The following METAP1D variants were observed in gnomAD, a reference collection of about 807,000 sequenced individuals.
The protein encoded by METAP1D is methionyl aminopeptidase type 1D, mitochondrial.
In METAP1D, 31 loss-of-function variants were observed where a neutral mutation model predicts 40.5. That is an observed-to-expected ratio of 0.77 (90% CI 0.58 to 1.03). The LOEUF (loss-of-function observed/expected upper bound fraction) is 1.03, where lower values mean the gene tolerates loss of function less well. Ranked by LOEUF, METAP1D falls within the 50% of genes least tolerant of loss-of-function variation. The pLI, the probability that METAP1D is intolerant of heterozygous loss-of-function variation, is 0.00. For synonymous variants in METAP1D, 151 were observed against 146.4 expected (o/e 1.03, Z -0.22); for missense variants, 411 against 420.7 (o/e 0.98, Z 0.20).
In METAP1D at chr2:172,080,113, T is replaced by G. The variant is rs761446454; in HGVS notation, c.851-15T>G. 1 of 1,608,238 alleles carries G rather than the reference T, an allele frequency of 6.2e-7. No homozygotes were observed. The highest frequency in any genetic ancestry group is 2.2e-5 in the East Asian group (1 of 44,874). ...TCTGATGAGGTCACTGCAGTAAATA[T>G]TTTTCCTCTTACAGAGCCAATCATC... On this transcript the variant is annotated splice_polypyrimidine_tract_variant and intron_variant, in intron 8 of 9. Transcript: ENST00000315796.
rs192727116 is a variant in METAP1D at position 172,045,609 on chromosome 2, C to T, written c.41-15889C>T. 4.1e-3 allele frequency among the ~76,000 whole-genome samples: 566 copies of T among 138,922 alleles called. 5 individuals are homozygous for T. The highest frequency in any genetic ancestry group is 0.015 in the African/African-American group (542 of 36,522). 91.1% of individuals were successfully genotyped at this position (138,922 alleles called of 152,430 possible). On this transcript the variant is annotated intron_variant, in intron 1 of 9. Coordinates refer to ENST00000315796, the MANE Select transcript of METAP1D (RefSeq NM_199227.3). ...CTGGGAGGTGGAGGTTGCGGTGAGC[C>T]GAGATTGTGCCATTGCACTCCAGCC...
At chr2:172,011,392 C>A (rs1688718966) in intron 1 of METAP1D, among the ~76,000 whole-genome samples, 1 of 150,906 alleles carries the variant, frequency 6.6e-6, no homozygotes, top group African/African-American at 2.4e-5. Flanking sequence ...TCATGCCATT[C>A]TCCTGCCTCA....
intron 1 of METAP1D, among the ~76,000 whole-genome samples, chr2:172,053,967 T>G (rs754962378): frequency 2.6e-5 from 4 of 152,204 alleles, no homozygotes. Flanking sequence ...GCATTTTAAA[T>G]GTCTCTTTGA....
intron 1 of METAP1D, among the ~76,000 whole-genome samples, chr2:172,001,016 A>C (rs1001610804): frequency 6.6e-5 from 10 of 152,196 alleles, no homozygotes; most frequent in Non-Finnish European, 1.2e-4. Flanking sequence ...AACAAAAACA[A>C]AAACCCAGTG....
chr2:172,061,386 C>A, intron 1 of METAP1D, 112 bp from the exon 2 acceptor site: 1 of 906,582 alleles, frequency 1.1e-6, no homozygotes, highest in Non-Finnish European at 1.6e-6. Flanking sequence ...TTTCCTTTTT[C>A]AGTCAATAAG....
intron 1 of METAP1D, among the ~76,000 whole-genome samples, chr2:172,015,032 A>AT (rs1329773059): frequency 6.6e-6 from 1 of 152,208 alleles, no homozygotes; most frequent in Non-Finnish European, 1.5e-5. Context: ...TGCAAAGTAG[A>AT]TTTTTTATAT....
intron 1 of METAP1D, among the ~76,000 whole-genome samples, chr2:172,022,395 A>G (rs929959186): frequency 1.3e-5 from 2 of 152,112 alleles, no homozygotes; most frequent in African/African-American, 4.8e-5. Context: ...TTTGTTTTTA[A>G]TAAAAACAAG....
rs1460450940 is a variant in METAP1D, at chr2:172,045,815, GTGTGTATATATATATATATA to G, written c.41-15681_41-15662del. Among the ~76,000 whole-genome samples, 12 of 24,276 alleles carry G rather than the reference GTGTGTATATATATATATATA, an allele frequency of 4.9e-4. No individual in the cohort carries two copies. In the East Asian group the frequency reaches 9.7e-3, roughly 20 times the overall value. The allele number at this position is 24,276 out of a possible 152,430, so 15.9% of individuals were successfully genotyped here. ...TGTATATATGTGTGTGTGTGTGTGT[GTGTGTATATATATATATATA>G]TATATATATATATATATATATATAT... On this transcript the variant is annotated intron_variant, in intron 1 of 9. Transcript: ENST00000315796.
intron 9 of METAP1D, 51 bp from the exon 10 acceptor site, chr2:172,080,277 G>A (rs1690669748): frequency 1.9e-6 from 3 of 1,614,000 alleles, no homozygotes; most frequent in South Asian, 1.1e-5. Flanking sequence ...CGCGCTTGTG[G>A]CCCGGCCGGA....
chr2:172,020,232 G>A (rs1308302497), intron 1 of METAP1D, among the ~76,000 whole-genome samples: 3 of 152,240 alleles, frequency 2.0e-5, no homozygotes, highest in Non-Finnish European at 2.9e-5. Context: ...TGATCCACCC[G>A]CCTCAGCCTC....
chr2:172,039,903 C>G (rs939287330), intron 1 of METAP1D, among the ~76,000 whole-genome samples: 11 of 152,106 alleles, frequency 7.2e-5, no homozygotes, highest in African/African-American at 2.7e-4. Context: ...TCTCGAACTC[C>G]TGACCTCGTG....
intron 1 of METAP1D, among the ~76,000 whole-genome samples, chr2:172,008,025 CTTT>C (rs60404224): frequency 1.4e-5 from 2 of 138,038 alleles, no homozygotes; most frequent in Admixed American, 1.5e-4. Context: ...TTTACTTTCC[CTTT>C]TTTTTTTTTT....
rs574603737 is a variant in METAP1D at position 172,043,695 on chromosome 2, AAATGT to A, written c.41-17801_41-17797del. On this transcript the variant is annotated intron_variant, in intron 1 of 9. Coordinates refer to ENST00000315796, the MANE Select transcript of METAP1D (RefSeq NM_199227.3). The stretch of plus-strand genomic sequence containing the variant: ...AAACCAAGGATAGACAAATAACAAG[AAATGT>A]ACAAGGCCTGTATGGAGAAAACATT... Among the ~76,000 whole-genome samples, 39 of 135,330 alleles carry A rather than the reference AAATGT, an allele frequency of 2.9e-4. 4 individuals are homozygous for A. The highest frequency in any genetic ancestry group is 8.5e-4 in the African/African-American group (34 of 39,998). The allele number at this position is 135,330 out of a possible 152,430, so 88.8% of individuals were successfully genotyped here.
In METAP1D at chr2:172,061,662, T is replaced by G. The variant is rs752173915; in HGVS notation, c.198+7T>G. The G allele has an allele frequency of 1.3e-6, 2 of 1,586,142 alleles. No individual in the cohort carries two copies. The highest frequency in any genetic ancestry group is 1.7e-6 in the Non-Finnish European group (2 of 1,167,992). ...AGCTCATCCGGTTCCTAAGGTACTG[T>G]ATTGCCTATTATCTCCTGCTTTTTC... On this transcript the variant is annotated splice_region_variant and intron_variant, in intron 2 of 9. Coordinates refer to ENST00000315796, the MANE Select transcript of METAP1D (RefSeq NM_199227.3).
At chr2:172,011,285 CTTT>C (rs367971854) in intron 1 of METAP1D, among the ~76,000 whole-genome samples, 8 of 135,320 alleles carry the variant, frequency 5.9e-5, no homozygotes, top group Non-Finnish European at 6.3e-5. Context: ...CTTTCTGTTT[CTTT>C]TTTTTTTTTT....
At position 172,081,321 on chromosome 2, in the gene METAP1D, CG is replaced by C. The variant is rs2105510820; in HGVS notation, c.*918del. The C allele has an allele frequency of 6.6e-6, 1 of 152,558 alleles. No homozygotes were observed. The highest frequency in any genetic ancestry group is 2.4e-5 in the African/African-American group (1 of 41,594). 9.5% of individuals were successfully genotyped at this position (152,558 alleles called of 1,614,324 possible). A position where few individuals can be genotyped will look rare whatever the true frequency, so the allele number is the denominator to read the frequency against. ...CTCCCCAGACTGGCCCTTCTCGCAT[CG>C]GGACCCGCGCTTGCACGCTGCAGGA... On this transcript the variant is annotated 3_prime_UTR_variant, in exon 10 of 10. Coordinates refer to ENST00000315796, the MANE Select transcript of METAP1D (RefSeq NM_199227.3).
rs1689552171 is a variant in METAP1D, at chr2:172,042,176, TATGTATGTGTACATGTGTACAC to T, written c.41-19319_41-19298del. Among the ~76,000 whole-genome samples, 143 of 102,072 alleles carry T rather than the reference TATGTATGTGTACATGTGTACAC, an allele frequency of 1.4e-3. 35 individuals carry two copies. The highest frequency in any genetic ancestry group is 2.3e-3 in the Non-Finnish European group (92 of 40,704). The allele number at this position is 102,072 out of a possible 152,430, so 67.0% of individuals were successfully genotyped here. On this transcript the variant is annotated intron_variant, in intron 1 of 9. Transcript: ENST00000315796. ...ATGTGTACATGTGTACACATATACA[TATGTATGTGTACATGTGTACAC>T]ATATACATATGTATGTGTACATGTG...
In METAP1D at chr2:172,037,522, G is replaced by A. The variant is rs577262579; in HGVS notation, c.41-23976G>A. Among the ~76,000 whole-genome samples, 34 of 152,256 alleles carry A rather than the reference G, an allele frequency of 2.2e-4. 1 individual carries two copies. The South Asian group carries it at 5.0e-3, about 22-fold the overall frequency. On this transcript the variant is annotated intron_variant, in intron 1 of 9. Coordinates refer to ENST00000315796, the MANE Select transcript of METAP1D (RefSeq NM_199227.3). ...ATTTATCAATTGCTACATGCCAGGC[G>A]CTGTGCTAATGAACTCTTAAGACAT...
rs186009392 is a variant in METAP1D, at chr2:172,049,310, T to G, written c.41-12188T>G. On this transcript the variant is annotated intron_variant, in intron 1 of 9. Transcript: ENST00000315796. The stretch of plus-strand genomic sequence containing the variant: ...AATCTTTAGTACAAAAAGTAACAGA[T>G]AGTTGAACATTCATATCCTTAAATA... 2.3e-3 allele frequency among the ~76,000 whole-genome samples: 347 copies of G among 151,542 alleles called. 1 individual carries two copies. The highest frequency in any genetic ancestry group is 8.0e-3 in the African/African-American group (331 of 41,462).
Sources: allele counts gnomAD v4.1 joint callset (sites outside exome capture counted in the v4.1 genomes callset), GRCh38; gene constraint gnomAD v4.1.1; transcripts MANE v1.5; gene names NCBI Gene and HGNC (gene_info 2026-07-23, HGNC 2026-07-21).